Variants in SHISA6 observed in about 807,000 individuals in gnomAD.
The protein encoded by SHISA6 is shisa family member 6.
Under a neutral mutation model 47.9 loss-of-function variants are expected in SHISA6, and 22 were observed. That is an observed-to-expected ratio of 0.46 (90% confidence interval 0.33 to 0.66). The LOEUF is 0.66. SHISA6 is among the 30% of genes least tolerant of loss of function. The probability of loss-of-function intolerance (pLI) is 0.02; values close to 1 mark genes in which losing one functional copy is unlikely to be tolerated. For missense variants in SHISA6, 680 were observed against 764.6 expected (o/e 0.89, Z 1.30); for synonymous variants, 388 against 337.8 (o/e 1.15, Z -1.63).
intron 3 of SHISA6, among the ~76,000 whole-genome samples, chr17:11,478,944 C>T (rs917493629): frequency 2.6e-5 from 4 of 151,688 alleles, no homozygotes; most frequent in African/African-American, 7.3e-5. Flanking sequence ...GTAGTTTTTC[C>T]CAATTCTGTG....
intron 2 of SHISA6, among the ~76,000 whole-genome samples, chr17:11,343,807 A>G (rs1202363253): frequency 6.6e-6 from 1 of 152,228 alleles, no homozygotes; most frequent in Non-Finnish European, 1.5e-5. Context: ...GGACAAGAGG[A>G]TGTGAGATGG....
chr17:11,250,176 C>T (rs1597421086), intron 1 of SHISA6, among the ~76,000 whole-genome samples: 1 of 152,178 alleles, frequency 6.6e-6, no homozygotes, highest in Non-Finnish European at 1.5e-5. Flanking sequence ...CTTAATTTAG[C>T]TTCCTAGTTT....
chr17:11,437,180 C>T (rs548421747), intron 3 of SHISA6, among the ~76,000 whole-genome samples: 35 of 152,268 alleles, frequency 2.3e-4, no homozygotes, highest in African/African-American at 8.2e-4. Flanking sequence ...GAGCCGTGAC[C>T]TCTGGAAAGT....
intron 3 of SHISA6, among the ~76,000 whole-genome samples, chr17:11,481,264 G>T (rs1258341685): frequency 6.6e-6 from 1 of 151,414 alleles, no homozygotes; most frequent in Non-Finnish European, 1.5e-5. Context: ...GGACGACAGA[G>T]CAAGACACCT....
At chr17:11,272,428 C>A (rs946255176) in intron 2 of SHISA6, among the ~76,000 whole-genome samples, 1 of 152,178 alleles carries the variant, frequency 6.6e-6, no homozygotes, top group South Asian at 2.1e-4. Flanking sequence ...TCCGTCCTTG[C>A]AGAGAGGCAG....
intron 2 of SHISA6, among the ~76,000 whole-genome samples, chr17:11,371,180 G>T (rs189834708): frequency 6.6e-6 from 1 of 152,154 alleles, no homozygotes; most frequent in African/African-American, 2.4e-5. Context: ...AGTTTACCTC[G>T]GTAAGAGCAA....
At chr17:11,416,635 T>G (rs1040184795) in intron 3 of SHISA6, among the ~76,000 whole-genome samples, 1 of 152,188 alleles carries the variant, frequency 6.6e-6, no homozygotes, top group Non-Finnish European at 1.5e-5. Flanking sequence ...GAAAAATAAA[T>G]AAAACATAAT....
At chr17:11,371,276 A>G (rs1912623161) in intron 2 of SHISA6, among the ~76,000 whole-genome samples, 1 of 152,110 alleles carries the variant, frequency 6.6e-6, no homozygotes, top group African/African-American at 2.4e-5. Flanking sequence ...TTCTCATTGT[A>G]TAGTCAGGGT....
chr17:11,441,816 C>T (rs547135255), intron 3 of SHISA6, among the ~76,000 whole-genome samples: 29 of 152,220 alleles, frequency 1.9e-4, no homozygotes, highest in African/African-American at 5.5e-4. Flanking sequence ...GGTGCCATGA[C>T]GAAGGGCACT....
At chr17:11,526,285 A>C (rs1426666210) in intron 3 of SHISA6, among the ~76,000 whole-genome samples, 3 of 152,158 alleles carry the variant, frequency 2.0e-5, no homozygotes, top group Non-Finnish European at 2.9e-5. Context: ...GGGCAGTGCA[A>C]ATCCTCTGTT....
chr17:11,435,850 A>T (rs1914921495), intron 3 of SHISA6, among the ~76,000 whole-genome samples: 1 of 152,148 alleles, frequency 6.6e-6, no homozygotes, highest in South Asian at 2.1e-4. Flanking sequence ...AAAACTTCAT[A>T]AAGCATCAGG....
intron 3 of SHISA6, among the ~76,000 whole-genome samples, chr17:11,458,614 CA>C (rs1915613222): frequency 6.6e-6 from 1 of 152,156 alleles, no homozygotes; most frequent in South Asian, 2.1e-4. Flanking sequence ...GGCCCCTCTG[CA>C]AACTCTCAGG....
At chr17:11,271,354 G>A (rs995236340) in intron 2 of SHISA6, among the ~76,000 whole-genome samples, 4 of 152,144 alleles carry the variant, frequency 2.6e-5, no homozygotes, top group Admixed American at 2.6e-4. Flanking sequence ...TCACTGGGAG[G>A]GATGGTCAGC....
intron 3 of SHISA6, among the ~76,000 whole-genome samples, chr17:11,460,984 T>G (rs1443714430): frequency 1.3e-5 from 2 of 152,254 alleles, no homozygotes; most frequent in African/African-American, 4.8e-5. Context: ...AGGATTTTAT[T>G]GATTAATTAA....
chr17:11,353,186 C>T (rs933726390), intron 2 of SHISA6, among the ~76,000 whole-genome samples: 2 of 152,150 alleles, frequency 1.3e-5, no homozygotes, highest in African/African-American at 4.8e-5. Flanking sequence ...GGGCCGGGCA[C>T]GGTGGCTTAC....
chr17:11,374,104 T>C (rs374192973), intron 2 of SHISA6, among the ~76,000 whole-genome samples: 30 of 152,372 alleles, frequency 2.0e-4, no homozygotes, highest in African/African-American at 7.0e-4. Context: ...TGTGAAGTGA[T>C]ACCTCATTAT....
At chr17:11,445,239 G>T (rs1325041195) in intron 3 of SHISA6, among the ~76,000 whole-genome samples, 1 of 152,026 alleles carries the variant, frequency 6.6e-6, no homozygotes, top group Non-Finnish European at 1.5e-5. Context: ...TCATTTATGA[G>T]GGATCTACCC....
chr17:11,513,451 G>A (rs1328323030), intron 3 of SHISA6, among the ~76,000 whole-genome samples: 1 of 152,028 alleles, frequency 6.6e-6, no homozygotes, highest in Non-Finnish European at 1.5e-5. Context: ...TTTCTTCTAT[G>A]AATTTCTGTG....
chr17:11,370,559 C>T (rs569575190), intron 2 of SHISA6, among the ~76,000 whole-genome samples: 1 of 152,282 alleles, frequency 6.6e-6, no homozygotes, highest in East Asian at 1.9e-4. Context: ...CGGGAGGATC[C>T]ACCCACTCTT....
Sources: gnomAD v4.1 joint callset for allele counts (sites outside exome capture counted in the v4.1 genomes callset) on GRCh38, gnomAD v4.1.1 for gene constraint, MANE v1.5 for transcripts, NCBI Gene and HGNC (gene_info 2026-07-23, HGNC 2026-07-21) for gene names.